The following ADD1 variants were observed in gnomAD, a reference collection of about 807,000 sequenced individuals.
ADD1 encodes the protein adducin 1, also known as alpha-adducin.
Under a neutral mutation model 80.5 loss-of-function variants are expected in ADD1, and 24 were observed. That is an observed-to-expected ratio of 0.30 (90% CI 0.22 to 0.42). The LOEUF (loss-of-function observed/expected upper bound fraction) is 0.42, where lower values mean the gene tolerates loss of function less well. Among genes scored for constraint, ADD1 ranks in the 10% least tolerant of loss-of-function variants. ADD1 has a pLI of 1.00. For synonymous variants in ADD1, 373 were observed against 393.8 expected (o/e 0.95, Z 0.63); for missense variants, 948 against 1,019.0 (o/e 0.93, Z 0.95).
At chr4:2,874,973 T>C (rs764263533) in intron 1 of ADD1, among the ~76,000 whole-genome samples, 2 of 152,216 alleles carry the variant, frequency 1.3e-5, no homozygotes, top group African/African-American at 4.8e-5. Flanking sequence ...ATGCCTGTGA[T>C]CCCAGCACTT....
chr4:2,848,042 C>T (rs1038551863), intron 1 of ADD1, among the ~76,000 whole-genome samples: 1 of 152,072 alleles, frequency 6.6e-6, no homozygotes, highest in Non-Finnish European at 1.5e-5. Flanking sequence ...TGATGAAACC[C>T]TGTCTCTACT....
intron 10 of ADD1, 32 bp downstream of exon 10, chr4:2,905,140 T>A: frequency 6.2e-7 from 1 of 1,605,748 alleles, no homozygotes. Flanking sequence ...CATAGTTAGA[T>A]GACGTAGAGC....
intron 14 of ADD1, among the ~76,000 whole-genome samples, chr4:2,921,885 C>T (rs758116809): frequency 6.6e-6 from 1 of 151,712 alleles, no homozygotes; most frequent in African/African-American, 2.4e-5. Context: ...TTAAGTTGAT[C>T]TTCAATCTCT....
At chr4:2,907,297 CG>C (rs1737226558) in intron 10 of ADD1, 1 of 155,886 alleles carries the variant, frequency 6.4e-6, no homozygotes, top group Admixed American at 6.3e-5. Flanking sequence ...TCTTGCCTCA[CG>C]GTGCAGGCTC....
chr4:2,848,107 C>G (rs1726526227), intron 1 of ADD1, among the ~76,000 whole-genome samples: 1 of 151,404 alleles, frequency 6.6e-6, no homozygotes, highest in African/African-American at 2.4e-5. Flanking sequence ...CCCAGGTACT[C>G]AAGAGGCTGA....
chr4:2,888,234 G>A (rs1733711611), intron 4 of ADD1, among the ~76,000 whole-genome samples: 1 of 151,296 alleles, frequency 6.6e-6, no homozygotes, highest in African/African-American at 2.4e-5. Flanking sequence ...GCACCACCAT[G>A]CCACTAGCTG....
At chr4:2,865,135 C>T (rs184346788) in intron 1 of ADD1, among the ~76,000 whole-genome samples, 1 of 152,086 alleles carries the variant, frequency 6.6e-6, no homozygotes, top group Admixed American at 6.5e-5. Context: ...TCTTCCTTCT[C>T]CCCACAAAAG....
chr4:2,851,538 G>A (rs1361633030), intron 1 of ADD1, among the ~76,000 whole-genome samples: 1 of 152,178 alleles, frequency 6.6e-6, no homozygotes, highest in Non-Finnish European at 1.5e-5. Context: ...CTATGTAGAG[G>A]TATTTTTTTG....
At chr4:2,852,315 CT>C (rs1727395095) in intron 1 of ADD1, among the ~76,000 whole-genome samples, 1 of 77,168 alleles carries the variant, frequency 1.3e-5, no homozygotes, top group African/African-American at 5.3e-5. Flanking sequence ...TCTTTTTTTT[CT>C]TTTCTTTTCT....
intron 1 of ADD1, among the ~76,000 whole-genome samples, chr4:2,847,736 A>G (rs1170037624): frequency 6.6e-6 from 1 of 152,218 alleles, no homozygotes; most frequent in Non-Finnish European, 1.5e-5. Context: ...ATCAATCAAT[A>G]TATGCTAGAA....
intron 1 of ADD1, among the ~76,000 whole-genome samples, chr4:2,850,705 G>C (rs554648089): frequency 6.6e-6 from 1 of 152,282 alleles, no homozygotes; most frequent in South Asian, 2.1e-4. Context: ...GATTACAGGC[G>C]TGAGCCACCG....
chr4:2,882,831 A>G (rs895773024), intron 3 of ADD1, among the ~76,000 whole-genome samples: 1 of 152,120 alleles, frequency 6.6e-6, no homozygotes, highest in African/African-American at 2.4e-5. Context: ...GGCCACCACT[A>G]GGAAAGTTTT....
chr4:2,903,054 A>G (rs1034674497), intron 9 of ADD1: 5 of 152,066 alleles, frequency 3.3e-5, no homozygotes, highest in African/African-American at 4.8e-5. Flanking sequence ...TAAAAAAATA[A>G]AAAAAATATT....
chr4:2,908,011 G>C (rs948370922), intron 11 of ADD1, among the ~76,000 whole-genome samples, 167 bp downstream of exon 11: 1 of 152,212 alleles, frequency 6.6e-6, no homozygotes. Context: ...CCACCAGTGT[G>C]AAGTATGAGC....
chr4:2,884,914 C>T (rs1361415720), intron 4 of ADD1, among the ~76,000 whole-genome samples: 1 of 152,150 alleles, frequency 6.6e-6, no homozygotes, highest in Non-Finnish European at 1.5e-5. Context: ...AAGTGTTTAC[C>T]AGATTATATG....
At chr4:2,874,884 A>G (rs903171591) in intron 1 of ADD1, among the ~76,000 whole-genome samples, 1 of 152,168 alleles carries the variant, frequency 6.6e-6, no homozygotes, top group Admixed American at 6.5e-5. Context: ...TCCAGACCTA[A>G]TGAATCTTAA....
intron 4 of ADD1, among the ~76,000 whole-genome samples, chr4:2,893,281 G>T (rs1296747408): frequency 7.2e-6 from 1 of 139,064 alleles, no homozygotes; most frequent in South Asian, 2.3e-4. Flanking sequence ...CTGCAGCAAG[G>T]AAAAAAAAAA....
intron 2 of ADD1, 92 bp from the exon 3 acceptor site, chr4:2,881,806 A>G: frequency 8.6e-7 from 1 of 1,168,074 alleles, no homozygotes; most frequent in East Asian, 2.8e-5. Context: ...CTGGATGAAA[A>G]CAAAAATTGG....
At chr4:2,916,787 T>C (rs1216065683) in intron 14 of ADD1, among the ~76,000 whole-genome samples, 1 of 152,234 alleles carries the variant, frequency 6.6e-6, no homozygotes, top group Non-Finnish European at 1.5e-5. Flanking sequence ...CATGCAGTGT[T>C]TGGTTTTCTG....
Sources: gnomAD v4.1 joint callset for allele counts (sites outside exome capture counted in the v4.1 genomes callset) on GRCh38, gnomAD v4.1.1 for gene constraint, MANE v1.5 for transcripts, NCBI Gene and HGNC (gene_info 2026-07-23, HGNC 2026-07-21) for gene names.